TNIK: variants seen among roughly 807,000 people sequenced by gnomAD.
TNIK encodes TRAF2 and NCK-interacting protein kinase.
TNIK carries 49 observed loss-of-function variants against 191.3 expected under a neutral mutation model. The observed-to-expected ratio is 0.26, with a 90% CI of 0.20 to 0.32. The LOEUF (loss-of-function observed/expected upper bound fraction) is 0.32. Among genes scored for constraint, TNIK ranks in the 10% least tolerant of loss-of-function variants. The pLI is 1.00. For synonymous variants in TNIK, 594 were observed against 600.9 expected, an observed-to-expected ratio of 0.99 and a Z score of 0.17; for missense variants, 1,155 against 1,702.3, an observed-to-expected ratio of 0.68 and a Z score of 5.66.
chr3:171,208,210 A>T (rs1740338227), intron 4 of TNIK, among the ~76,000 whole-genome samples: 1 of 152,132 alleles, frequency 6.6e-6, no homozygotes, highest in Non-Finnish European at 1.5e-5. Context: ...AGTCAGAGCT[A>T]CTCAGAAGGC....
chr3:171,105,042 G>A (rs1318202318), intron 21 of TNIK, among the ~76,000 whole-genome samples: 1 of 149,520 alleles, frequency 6.7e-6, no homozygotes, highest in Non-Finnish European at 1.5e-5. Context: ...TATTCCATTA[G>A]AAAGCAATGT....
intron 10 of TNIK, among the ~76,000 whole-genome samples, chr3:171,164,398 C>T (rs1734362719): frequency 6.6e-6 from 1 of 152,198 alleles, no homozygotes; most frequent in African/African-American, 2.4e-5. Flanking sequence ...AAGTAATTGC[C>T]TACATAAGAA....
At chr3:171,079,053 G>C (rs188838693) in intron 28 of TNIK, among the ~76,000 whole-genome samples, 2 of 152,154 alleles carry the variant, frequency 1.3e-5, no homozygotes, top group African/African-American at 4.8e-5. Context: ...TTCCACCTGA[G>C]ATTCCCCTGG....
chr3:171,084,123 TAAA>T (rs371989911), intron 26 of TNIK, 29 bp downstream of exon 26: 6,590 of 1,377,438 alleles, frequency 4.8e-3, no homozygotes, highest in South Asian at 0.011. Flanking sequence ...AGTGGTTATT[TAAA>T]AAAAAAAAAA....
chr3:171,295,383 C>T (rs1194326584), intron 2 of TNIK, among the ~76,000 whole-genome samples: 2 of 152,176 alleles, frequency 1.3e-5, no homozygotes, highest in African/African-American at 4.8e-5. Flanking sequence ...GGTCAGGCCC[C>T]TCCCCAAGAA....
At chr3:171,065,545 C>G (rs994745904) in intron 32 of TNIK, among the ~76,000 whole-genome samples, 1 of 152,192 alleles carries the variant, frequency 6.6e-6, no homozygotes, top group Non-Finnish European at 1.5e-5. Context: ...CGGGGTTACT[C>G]TACAGGGAGG....
intron 12 of TNIK, among the ~76,000 whole-genome samples, chr3:171,150,903 A>G (rs1345105364): frequency 6.6e-6 from 1 of 152,218 alleles, no homozygotes; most frequent in Non-Finnish European, 1.5e-5. Flanking sequence ...ATTAAGGAAG[A>G]CAGGGAATGG....
intron 9 of TNIK, among the ~76,000 whole-genome samples, chr3:171,172,987 C>T (rs1314931316): frequency 6.6e-6 from 1 of 152,164 alleles, no homozygotes; most frequent in East Asian, 1.9e-4. Context: ...TTTTGGGTCT[C>T]AGTCGGTGAA....
intron 1 of TNIK, among the ~76,000 whole-genome samples, chr3:171,404,810 A>C (rs1350088196): frequency 6.6e-6 from 1 of 152,158 alleles, no homozygotes; most frequent in East Asian, 1.9e-4. Context: ...CAGAAACCAG[A>C]ACTTCTGGTT....
rs59314303 is a variant in TNIK, at chr3:171,292,775, CAAAA to C, written c.124-64558_124-64555del. On this transcript the variant is annotated intron_variant, in intron 2 of 32. Transcript: ENST00000436636. ...TGGGCAACAGAGCAAGACTCCATCT[CAAAA>C]AAAAAAAAAAAAAAAAGAATCAGCC... Among the ~76,000 whole-genome samples the C allele has an allele frequency of 6.6e-3, 562 of 85,054 alleles. 4 individuals are homozygous for C. The highest frequency in any genetic ancestry group is 0.023 in the African/African-American group (543 of 23,480). 55.8% of individuals were successfully genotyped at this position (85,054 alleles called of 152,430 possible).
intron 2 of TNIK, among the ~76,000 whole-genome samples, chr3:171,367,594 C>T (rs957910271): frequency 4.6e-5 from 7 of 152,076 alleles, no homozygotes; most frequent in Non-Finnish European, 8.8e-5. Context: ...CTCAGCCTCT[C>T]GAGTAGCTGA....
chr3:171,167,070 G>A (rs1227142960), intron 10 of TNIK, 25 bp downstream of exon 10: 1 of 1,600,844 alleles, frequency 6.2e-7, no homozygotes, highest in Non-Finnish European at 8.5e-7. Flanking sequence ...TGTTTCTGCT[G>A]CTGAAATACA....
intron 2 of TNIK, among the ~76,000 whole-genome samples, chr3:171,283,160 TAAA>T (rs3215113): frequency 7.0e-6 from 1 of 141,914 alleles, no homozygotes. Context: ...ATACCTACTT[TAAA>T]AAAAAAAAAA....
At chr3:171,335,989 T>C (rs553765167) in intron 2 of TNIK, among the ~76,000 whole-genome samples, 1 of 152,288 alleles carries the variant, frequency 6.6e-6, no homozygotes, top group African/African-American at 2.4e-5. Context: ...TGTATCTCGT[T>C]GCAATTTTAA....
At chr3:171,210,489 G>C (rs1293587256) in intron 4 of TNIK, among the ~76,000 whole-genome samples, 2 of 152,180 alleles carry the variant, frequency 1.3e-5, no homozygotes, top group African/African-American at 4.8e-5. Context: ...AAGGACTGTG[G>C]CACATACCTA....
At chr3:171,318,951 G>A (rs1234006518) in intron 2 of TNIK, among the ~76,000 whole-genome samples, 2 of 152,062 alleles carry the variant, frequency 1.3e-5, no homozygotes, top group Non-Finnish European at 2.9e-5. Context: ...GATCACTTGA[G>A]GCCAGGAGTT....
chr3:171,459,960 A>G (rs1356166428), intron 1 of TNIK, 47 bp downstream of exon 1: 1 of 1,571,424 alleles, frequency 6.4e-7, no homozygotes, highest in East Asian at 2.3e-5. Flanking sequence ...GAGCCCATTC[A>G]CCCTAACCCA....
At chr3:171,209,327 A>G (rs773715694) in intron 4 of TNIK, among the ~76,000 whole-genome samples, 1 of 152,108 alleles carries the variant, frequency 6.6e-6, no homozygotes, top group Non-Finnish European at 1.5e-5. Context: ...CCTTAACTCA[A>G]TCTTGCTATT....
At chr3:171,139,871 C>G (rs1341354225) in intron 13 of TNIK, among the ~76,000 whole-genome samples, 1 of 152,168 alleles carries the variant, frequency 6.6e-6, no homozygotes, top group African/African-American at 2.4e-5. Context: ...TATGGACTAC[C>G]TGGAATTAAC....
Sources: gnomAD v4.1 joint callset for allele counts (sites outside exome capture counted in the v4.1 genomes callset) on GRCh38, gnomAD v4.1.1 for gene constraint, MANE v1.5 for transcripts, NCBI Gene and HGNC (gene_info 2026-07-23, HGNC 2026-07-21) for gene names.